COL6A1: variants seen among roughly 807,000 people sequenced by gnomAD.
COL6A1 encodes the protein collagen type VI alpha 1 chain, also known as collagen alpha-1(VI) chain.
Under a neutral mutation model 145.6 loss-of-function variants are expected in COL6A1, and 80 were observed. The observed-to-expected ratio is 0.55, with a 90% confidence interval of 0.46 to 0.66. COL6A1 has a LOEUF of 0.66. Among genes scored for constraint, COL6A1 ranks in the 30% least tolerant of loss-of-function variants. The pLI, the probability that COL6A1 is intolerant of heterozygous loss-of-function variation, is 0.00. For missense variants in COL6A1, 1,364 were observed against 1,473.8 expected (o/e 0.93, Z 1.22); for synonymous variants, 638 against 622.8 (o/e 1.02, Z -0.36).
At position 45,987,690 on chromosome 21, in the gene COL6A1, G is replaced by A. The variant is rs748699700; in HGVS notation, c.804+36G>A. 4 of 1,589,736 alleles carry A rather than the reference G, an allele frequency of 2.5e-6. No individual in the cohort carries two copies. The African/African-American group carries it at 5.4e-5, about 21-fold the overall frequency. The stretch of plus-strand genomic sequence containing the variant: ...ACTCCTGCTCCTCCCATGTGTTGTG[G>A]GGCCTGGGAGTGGGGGTGGCAGGAC... On this transcript the variant is annotated intron_variant, in intron 8 of 34. Coordinates refer to ENST00000361866, the MANE Select transcript of COL6A1 (RefSeq NM_001848.3).
intron 22 of COL6A1, 76 bp downstream of exon 22, chr21:45,997,838 G>A: frequency 6.8e-7 from 1 of 1,475,644 alleles, no homozygotes; most frequent in Non-Finnish European, 9.2e-7. Context: ...GCCCCGCACT[G>A]TGGAGCTGCC....
chr21:45,988,431 TGGAGGGGACGGCGGG>T (rs2077755273), intron 8 of COL6A1, among the ~76,000 whole-genome samples: 1 of 67,062 alleles, frequency 1.5e-5, no homozygotes, highest in African/African-American at 6.0e-5. Context: ...GGGCTCCAGA[TGGAGGGGACGGCGGG>T]GTCCAGATGG....
chr21:45,984,594 G>A (rs1255109723), intron 3 of COL6A1, 125 bp downstream of exon 3: 16 of 886,710 alleles, frequency 1.8e-5, no homozygotes, highest in Admixed American at 4.0e-5. Flanking sequence ...GAGGCTGCAC[G>A]GCCTCCCTGA....
At chr21:45,986,750 G>T in intron 4 of COL6A1, 65 bp downstream of exon 4, 1 of 1,530,040 alleles carries the variant, frequency 6.5e-7, no homozygotes. Flanking sequence ...AAGGCCCCCG[G>T]CAGCTGGGAC....
Position 45,994,670 on chromosome 21 carries a change from G to C in COL6A1, c.1398+441G>C, listed in dbSNP as rs2077795230. Among the ~76,000 whole-genome samples the C allele has an allele frequency of 1.3e-5, 2 of 152,174 alleles. No homozygotes were observed. The highest frequency in any genetic ancestry group is 1.5e-5 in the Non-Finnish European group (1 of 68,022). ...AGGTTTCCAGAATCCCAGGGTGTCAGGATGAAAATGCACTTTCATCTCATT... is the reference window on the plus strand; with the variant it reads ...AGGTTTCCAGAATCCCAGGGTGTCACGATGAAAATGCACTTTCATCTCATT... On this transcript the variant is annotated intron_variant, in intron 20 of 34. Transcript: ENST00000361866. The surrounding 1 kb of genome is among the most constrained non-coding windows in gnomAD (Gnocchi z 6.8).
chr21:45,988,874 G>A (rs967349014), intron 8 of COL6A1, among the ~76,000 whole-genome samples: 2 of 152,180 alleles, frequency 1.3e-5, no homozygotes, highest in Non-Finnish European at 2.9e-5. Flanking sequence ...CAGCAAAGCC[G>A]AGCAGACAGG....
chr21:45,994,441 G>C lies in COL6A1; in HGVS notation c.1398+212G>C, dbSNP rs1423899830. On this transcript the variant is annotated intron_variant, in intron 20 of 34. Coordinates refer to ENST00000361866, the MANE Select transcript of COL6A1 (RefSeq NM_001848.3). This position sits in a 1 kb window ranked among gnomAD's most constrained non-coding sequence, Gnocchi z 6.8. Reference sequence around the variant, plus strand: ...GTGTGGATTGTTGAGAGCAGGCCCAGCGCCCGGGGGCCTGACGCTGAGACG... The same window carrying C: ...GTGTGGATTGTTGAGAGCAGGCCCACCGCCCGGGGGCCTGACGCTGAGACG... Among the ~76,000 whole-genome samples, 1 of 152,104 alleles carries C rather than the reference G, an allele frequency of 6.6e-6. No homozygotes were observed. The highest frequency in any genetic ancestry group is 1.5e-5 in the Non-Finnish European group (1 of 68,002).
chr21:46,001,866 C>A, intron 30 of COL6A1, 95 bp from the exon 31 acceptor site: 1 of 1,098,898 alleles, frequency 9.1e-7, no homozygotes, highest in Non-Finnish European at 1.3e-6. Flanking sequence ...GGCCATGCCA[C>A]CCTCTGGGCA....
At position 45,984,355 on chromosome 21, in the gene COL6A1, G is replaced by C; in HGVS notation, c.314G>C (p.Arg105Pro). 1 of 1,612,536 alleles carries C rather than the reference G, an allele frequency of 6.2e-7. No homozygotes were observed. Among genetic ancestry groups the C allele is most frequent in the Non-Finnish European group, 8.5e-7 (1 of 1,179,848 alleles). ...DEVEIIQGLT[R>P]MPGGRDALKS... ...GTGGAGATCATCCAAGGCCTCACGCGCATGCCTGGCGGCCGCGACGCACTC... is the reference window on the plus strand; with the variant it reads ...GTGGAGATCATCCAAGGCCTCACGCCCATGCCTGGCGGCCGCGACGCACTC... The change falls in exon 3 of 35, where the codon CGC becomes CCC. Residue 105 changes from arginine (R) to proline (P), a missense_variant. Arg to Pro is a moderately radical substitution (Grantham distance 103). Coordinates refer to ENST00000361866, the MANE Select transcript of COL6A1 (RefSeq NM_001848.3).
intron 32 of COL6A1, 51 bp from the exon 33 acceptor site, chr21:46,002,476 A>G: frequency 3.1e-6 from 5 of 1,613,410 alleles, no homozygotes; most frequent in Non-Finnish European, 4.2e-6. Flanking sequence ...TGTCCCCAGA[A>G]AGACGAGGGC....
intron 27 of COL6A1, among the ~76,000 whole-genome samples, 169 bp downstream of exon 27, chr21:45,999,861 C>CGTGAAGATCATAGGGAGACGT: frequency 1.8e-5 from 1 of 56,318 alleles, no homozygotes; most frequent in Non-Finnish European, 3.4e-5. Flanking sequence ...TGGGAGGACC[C>CGTGAAGATCATAGGGAGACGT]GTGAGGATCA....
At chr21:45,990,357 C>G (rs2077767563) in intron 12 of COL6A1, 21 bp from the exon 13 acceptor site, 1 of 1,594,630 alleles carries the variant, frequency 6.3e-7, no homozygotes, top group Non-Finnish European at 8.5e-7. Context: ...TGACTCCTGC[C>G]TTCGTTTTCC....
intron 8 of COL6A1, among the ~76,000 whole-genome samples, chr21:45,988,838 C>T (rs997921889): frequency 6.6e-6 from 1 of 152,096 alleles, no homozygotes; most frequent in Non-Finnish European, 1.5e-5. Context: ...CTGTGCTGCA[C>T]GTCCCTCCCA....
At chr21:45,984,820 G>A (rs1412139677) in intron 3 of COL6A1, among the ~76,000 whole-genome samples, 3 of 138,668 alleles carry the variant, frequency 2.2e-5, no homozygotes, top group East Asian at 2.2e-4. Flanking sequence ...AGACAGAGAC[G>A]GGAACAGAGA....
rs775128693 is a variant in COL6A1, at chr21:45,991,041, G to T, written c.1119G>T (p.Lys373Asn). 1 of 1,613,216 alleles carries T rather than the reference G, an allele frequency of 6.2e-7. No individual in the cohort carries two copies. Among genetic ancestry groups the T allele is most frequent in the South Asian group, 1.1e-5 (1 of 91,080 alleles). ...DPGAFGLKGE[K>N]GEPGADGEAG... ...GTGCCTTTGGACTGAAAGGAGAAAA[G>T]GTGAGTGACTTGCGGCCCCTGGAGG... Residue 373 changes from lysine to asparagine, a missense_variant and splice_region_variant, in exon 15 of 35, where the codon AAG becomes AAT. By Grantham distance (94) the Lys-to-Asn change is moderately conservative. Around this residue, in one of 3 missense-constraint regions of COL6A1, gnomAD observed 938 missense variants for 1,003.8 expected, o/e 0.93. Transcript: ENST00000361866.
chr21:45,986,680 C>A lies in COL6A1; in HGVS notation c.583C>A (p.His195Asn), dbSNP rs2077740811. The A allele has an allele frequency of 6.5e-7, 1 of 1,546,996 alleles. No individual in the cohort carries two copies. Among genetic ancestry groups the A allele is most frequent in the South Asian group, 1.2e-5 (1 of 84,022 alleles). Residue 195 changes from histidine to asparagine, a missense_variant, in exon 4 of 35, where the codon CAC becomes AAC. Physicochemically the swap from His to Asn is moderately conservative, Grantham distance 68. This residue lies in a region of COL6A1 where 414 missense variants were observed against 437.6 expected (regional missense o/e 0.95). Coordinates refer to ENST00000361866, the MANE Select transcript of COL6A1 (RefSeq NM_001848.3). The stretch of plus-strand genomic sequence containing the variant: ...CTTCTCGGTGGCCATCACACCCGAC[C>A]ACCTGGTAGGCACCGGCCCCCCCCG... ...KVFSVAITPD[H>N]LEPRLSIIAT...
intron 31 of COL6A1, 72 bp downstream of exon 31, chr21:46,002,142 G>T: frequency 6.3e-7 from 1 of 1,576,926 alleles, no homozygotes; most frequent in South Asian, 1.1e-5. Context: ...GGTCGGCCCT[G>T]ACCCCTGATC....
chr21:46,002,189 A>G, intron 31 of COL6A1, 29 bp from the exon 32 acceptor site: 3 of 1,581,866 alleles, frequency 1.9e-6, no homozygotes, highest in Non-Finnish European at 2.6e-6. Context: ...CCTGGCCCCA[A>G]CCGGCCCTTC....
Position 46,004,830 on chromosome 21 carries a change from A to G in COL6A1, c.*817A>G. ...AACCCCGTCTGCTCCTCCCTCCCGC[A>G]GAGACTGGGGCCTGGACTGGACATG... On this transcript the variant is annotated 3_prime_UTR_variant, in exon 35 of 35. Transcript: ENST00000361866. 3.3e-6 allele frequency: 1 copy of G among 300,812 alleles called. No individual in the cohort carries two copies. Among genetic ancestry groups the G allele is most frequent in the Non-Finnish European group, 7.1e-6 (1 of 140,048 alleles). The allele number at this position is 300,812 out of a possible 1,614,324, so 18.6% of individuals were successfully genotyped here. A position where few individuals can be genotyped will look rare whatever the true frequency, so the allele number is the denominator to read the frequency against.
Sources: gnomAD v4.1 joint callset for allele counts (sites outside exome capture counted in the v4.1 genomes callset) on GRCh38, gnomAD v4.1.1 for gene constraint, gnomAD v4.1.1 regional missense constraint, Gnocchi (gnomAD v3.1) non-coding constraint, MANE v1.5 for transcripts, NCBI Gene and HGNC (gene_info 2026-07-23, HGNC 2026-07-21) for gene names.